Variants in CENPP observed in about 807,000 individuals in gnomAD.
CENPP encodes centromere protein P.
CENPP carries 24 observed loss-of-function variants against 35.6 expected under a neutral mutation model. The observed-to-expected ratio is 0.67, with a 90% CI of 0.49 to 0.95. The LOEUF (loss-of-function observed/expected upper bound fraction) is 0.95. CENPP is among the 40% of genes least tolerant of loss of function. The probability of loss-of-function intolerance (pLI) is 0.00; values close to 1 mark genes in which losing one functional copy is unlikely to be tolerated. For synonymous variants in CENPP, 120 were observed against 125.5 expected (o/e 0.96, Z 0.29); for missense variants, 332 against 345.3 (o/e 0.96, Z 0.31).
intron 5 of CENPP, among the ~76,000 whole-genome samples, chr9:92,442,848 C>CA (rs776364640): frequency 0.045 from 5,103 of 114,596 alleles, 184 homozygotes; most frequent in African/African-American, 0.12. Context: ...GACTCCTTCT[C>CA]AAAAAAAAAA....
At chr9:92,446,812 TAAA>T (rs34507432) in intron 5 of CENPP, among the ~76,000 whole-genome samples, 1 of 126,568 alleles carries the variant, frequency 7.9e-6, no homozygotes, top group Non-Finnish European at 1.6e-5. Context: ...CTCTGTCTCT[TAAA>T]AAAAAAAAAA....
chr9:92,382,895 T>A (rs1258734725), intron 5 of CENPP, among the ~76,000 whole-genome samples: 2 of 122,862 alleles, frequency 1.6e-5, no homozygotes, highest in Non-Finnish European at 1.7e-5. Flanking sequence ...TGTTTTCCTT[T>A]TTTTTTTTTT....
chr9:92,484,691 G>A (rs1846015136), intron 5 of CENPP, among the ~76,000 whole-genome samples: 1 of 152,150 alleles, frequency 6.6e-6, no homozygotes, highest in Non-Finnish European at 1.5e-5. Flanking sequence ...TTGTCTCTGG[G>A]ACTTGTGTTT....
chr9:92,586,571 C>A (rs1473983609), intron 5 of CENPP, among the ~76,000 whole-genome samples: 1 of 152,154 alleles, frequency 6.6e-6, no homozygotes, highest in Non-Finnish European at 1.5e-5. Flanking sequence ...AGGAGACTAG[C>A]TTTGCACCTC....
At chr9:92,501,103 A>G in intron 5 of CENPP, 4 of 1,563,706 alleles carry the variant, frequency 2.6e-6, no homozygotes, top group Non-Finnish European at 3.5e-6. Context: ...GATGGTGATC[A>G]TCAGCTCTAA....
chr9:92,502,738 T>G (rs1846759868), intron 5 of CENPP: 1 of 1,142,138 alleles, frequency 8.8e-7, no homozygotes, highest in African/African-American at 1.6e-5. Context: ...TGACATAGAC[T>G]ATTATCATTA....
intron 5 of CENPP, among the ~76,000 whole-genome samples, chr9:92,607,875 A>C (rs1851125308): frequency 1.3e-5 from 2 of 152,232 alleles, no homozygotes; most frequent in African/African-American, 4.8e-5. Context: ...TGGATATCAA[A>C]TTGCCAACAT....
At chr9:92,352,977 C>T (rs1841502564) in intron 4 of CENPP, among the ~76,000 whole-genome samples, 4 of 152,086 alleles carry the variant, frequency 2.6e-5, no homozygotes, top group Admixed American at 2.0e-4. Context: ...TAAGATCATA[C>T]ATAATCTTCA....
intron 5 of CENPP, among the ~76,000 whole-genome samples, chr9:92,464,217 T>C (rs564419770): frequency 6.6e-6 from 1 of 152,204 alleles, no homozygotes; most frequent in Non-Finnish European, 1.5e-5. Flanking sequence ...CAGCTAATCA[T>C]CAGACAGGGA....
At chr9:92,555,780 T>C (rs1052954110) in intron 5 of CENPP, among the ~76,000 whole-genome samples, 11 of 152,324 alleles carry the variant, frequency 7.2e-5, no homozygotes, top group Non-Finnish European at 1.0e-4. Flanking sequence ...TTTTCTCTCT[T>C]CTTTTCATCA....
chr9:92,336,592 G>A (rs1423820481), intron 2 of CENPP, among the ~76,000 whole-genome samples: 2 of 151,936 alleles, frequency 1.3e-5, no homozygotes, highest in East Asian at 3.9e-4. Flanking sequence ...GTAGAATCTT[G>A]CCCTTCTAAA....
rs540668014 is a variant in CENPP at position 92,601,663 on chromosome 9, C to G, written c.565-9651C>G. 3.3e-5 allele frequency among the ~76,000 whole-genome samples: 5 copies of G among 152,310 alleles called. No individual in the cohort carries two copies. In the South Asian group the frequency reaches 1.0e-3, roughly 32 times the overall value. The stretch of plus-strand genomic sequence containing the variant: ...CGTTGTGTCAGCTCCATGTCACGCT[C>G]CATGTGCCCACAGAGGAGTGGGCTG... On this transcript the variant is annotated intron_variant, in intron 5 of 7. Coordinates refer to ENST00000375587, the MANE Select transcript of CENPP (RefSeq NM_001012267.3).
At chr9:92,594,905 T>TC (rs1193209045) in intron 5 of CENPP, among the ~76,000 whole-genome samples, 2 of 148,688 alleles carry the variant, frequency 1.3e-5, no homozygotes, top group African/African-American at 4.9e-5. Flanking sequence ...TTTTTTTTTT[T>TC]TTTTTTTTGA....
chr9:92,393,060 T>G, intron 5 of CENPP: 1 of 1,595,290 alleles, frequency 6.3e-7, no homozygotes, highest in Non-Finnish European at 8.6e-7. Context: ...GAGTTAATAC[T>G]AATATCATAT....
At position 92,437,606 on chromosome 9, in the gene CENPP, C is replaced by T. The variant is rs559170082; in HGVS notation, c.564+57747C>T. On this transcript the variant is annotated intron_variant, in intron 5 of 7. Transcript: ENST00000375587. ...TGTATTTTTTGTAGAGACAGGGTTT[C>T]GCCATGTTGCCCAAGCTGATCTTGA... Among the ~76,000 whole-genome samples the T allele has an allele frequency of 3.2e-4, 48 of 151,598 alleles. 1 individual carries two copies. Among genetic ancestry groups the T allele is most frequent in the Admixed American group, 2.0e-3 (30 of 15,210 alleles).
chr9:92,528,510 A>G (rs1385605737), intron 5 of CENPP, among the ~76,000 whole-genome samples: 4 of 151,836 alleles, frequency 2.6e-5, no homozygotes, highest in African/African-American at 9.7e-5. Context: ...AATACTTGAG[A>G]CTGGGAAAAG....
intron 4 of CENPP, among the ~76,000 whole-genome samples, chr9:92,368,125 A>G (rs926974432): frequency 6.6e-6 from 1 of 152,218 alleles, no homozygotes; most frequent in Non-Finnish European, 1.5e-5. Context: ...GCTTATTGGT[A>G]TCATAAATTC....
At chr9:92,575,080 C>A (rs1850247610) in intron 5 of CENPP, among the ~76,000 whole-genome samples, 1 of 152,082 alleles carries the variant, frequency 6.6e-6, no homozygotes, top group African/African-American at 2.4e-5. Flanking sequence ...GATCAAAGAC[C>A]TACATGTAAA....
chr9:92,552,777 C>T (rs931858474), intron 5 of CENPP, among the ~76,000 whole-genome samples: 6 of 152,096 alleles, frequency 3.9e-5, no homozygotes, highest in African/African-American at 1.4e-4. Flanking sequence ...AGGATTTTCT[C>T]CCACTCTGTG....
Sources: gnomAD v4.1 joint callset for allele counts (sites outside exome capture counted in the v4.1 genomes callset) on GRCh38, gnomAD v4.1.1 for gene constraint, MANE v1.5 for transcripts, NCBI Gene and HGNC (gene_info 2026-07-23, HGNC 2026-07-21) for gene names.